PRDM2: variants seen among roughly 807,000 people sequenced by gnomAD.
The protein encoded by PRDM2 is PR domain zinc finger protein 2.
Under a neutral mutation model 130.0 loss-of-function variants are expected in PRDM2, and 30 were observed. The observed-to-expected ratio is 0.23, with a 90% confidence interval of 0.17 to 0.31. The LOEUF (loss-of-function observed/expected upper bound fraction) is 0.31, where lower values mean the gene tolerates loss of function less well. PRDM2 is among the 10% of genes least tolerant of loss of function. The pLI, the probability that PRDM2 is intolerant of heterozygous loss-of-function variation, is 1.00. For missense variants in PRDM2, 2,011 were observed against 2,108.4 expected, an observed-to-expected ratio of 0.95 and a Z score of 0.90; for synonymous variants, 871 against 782.4, an observed-to-expected ratio of 1.11 and a Z score of -1.89.
chr1:13,762,200 C>G (rs1644115257), intron 6 of PRDM2, among the ~76,000 whole-genome samples: 1 of 152,230 alleles, frequency 6.6e-6, no homozygotes, highest in African/African-American at 2.4e-5. Context: ...TCAGTATTAC[C>G]AGTATATATC....
intron 8 of PRDM2, among the ~76,000 whole-genome samples, chr1:13,797,179 G>A (rs957438713): frequency 2.0e-5 from 3 of 152,208 alleles, no homozygotes; most frequent in Non-Finnish European, 4.4e-5. Context: ...TTGATGACCT[G>A]CCCATGAAAT....
At chr1:13,786,254 T>C (rs1203647) in intron 8 of PRDM2, among the ~76,000 whole-genome samples, 27,470 of 149,390 alleles carry the variant, frequency 0.18, 3,116 homozygotes, top group Admixed American at 0.26. Flanking sequence ...AGTTTTTCCA[T>C]TTACCAGGAA....
At chr1:13,719,891 T>G (rs1642668840) in intron 2 of PRDM2, among the ~76,000 whole-genome samples, 1 of 152,214 alleles carries the variant, frequency 6.6e-6, no homozygotes, top group Admixed American at 6.5e-5. Context: ...TATGGTATGA[T>G]TCTAAGCTGT....
chr1:13,754,058 G>C (rs1331688399), intron 6 of PRDM2, among the ~76,000 whole-genome samples: 2 of 152,136 alleles, frequency 1.3e-5, no homozygotes, highest in Non-Finnish European at 2.9e-5. Flanking sequence ...TGGCCTGACT[G>C]TAGGTGGGAG....
intron 7 of PRDM2, among the ~76,000 whole-genome samples, chr1:13,777,940 A>G (rs1302781230): frequency 6.6e-6 from 1 of 152,122 alleles, no homozygotes; most frequent in Non-Finnish European, 1.5e-5. Flanking sequence ...AGAGAGGATC[A>G]TTTACTCCAG....
At chr1:13,785,221 C>T (rs1006174071) in intron 8 of PRDM2, among the ~76,000 whole-genome samples, 3 of 152,114 alleles carry the variant, frequency 2.0e-5, no homozygotes, top group East Asian at 1.9e-4. Flanking sequence ...TTGTAAATTT[C>T]GTGTAGGGAT....
Position 13,731,124 on chromosome 1 carries a change from G to T in PRDM2, c.127+7G>T. 1 of 1,607,812 alleles carries T rather than the reference G, an allele frequency of 6.2e-7. No individual in the cohort carries two copies. Among genetic ancestry groups the T allele is most frequent in the Non-Finnish European group, 8.5e-7 (1 of 1,175,672 alleles). On this transcript the variant is annotated splice_region_variant and intron_variant, in intron 3 of 9. Transcript: ENST00000311066. ...GTTGACAAGACCCGGATTGGTGAGT[G>T]CTCCTCCTGTCACGGAGCAAGTCAG...
chr1:13,712,930 A>C (rs1290408898), intron 1 of PRDM2, among the ~76,000 whole-genome samples: 3 of 151,406 alleles, frequency 2.0e-5, no homozygotes. Context: ...CCCCTCACCG[A>C]CTCTGCACCA....
chr1:13,708,547 T>TC (rs1642276235), intron 1 of PRDM2, among the ~76,000 whole-genome samples: 1 of 152,188 alleles, frequency 6.6e-6, no homozygotes, highest in African/African-American at 2.4e-5. Flanking sequence ...ACACTCCACT[T>TC]CGCTATTTAG....
chr1:13,786,255 T>G (rs866360180), intron 8 of PRDM2, among the ~76,000 whole-genome samples: 3 of 141,086 alleles, frequency 2.1e-5, no homozygotes, highest in Non-Finnish European at 3.1e-5. Context: ...GTTTTTCCAT[T>G]TACCAGGAAT....
chr1:13,768,076 T>G (rs1031655783), intron 6 of PRDM2, among the ~76,000 whole-genome samples: 1 of 144,058 alleles, frequency 6.9e-6, no homozygotes, highest in African/African-American at 2.6e-5. Context: ...GTCCTTGAGT[T>G]TTTTTTTTTT....
At chr1:13,738,332 G>A (rs1246018081) in intron 4 of PRDM2, among the ~76,000 whole-genome samples, 2 of 152,048 alleles carry the variant, frequency 1.3e-5, no homozygotes, top group Admixed American at 6.6e-5. Context: ...TTACTTATAC[G>A]GTTATATGGG....
chr1:13,754,415 A>G (rs549102215), intron 6 of PRDM2, among the ~76,000 whole-genome samples: 20 of 152,306 alleles, frequency 1.3e-4, no homozygotes, highest in Admixed American at 4.6e-4. Flanking sequence ...GGAAAAGGAC[A>G]CTTTCCAAAA....
intron 1 of PRDM2, among the ~76,000 whole-genome samples, chr1:13,711,683 T>A (rs1026659073): frequency 2.0e-5 from 3 of 152,178 alleles, no homozygotes; most frequent in African/African-American, 7.2e-5. Context: ...AAAATAACAT[T>A]TGAGAATTCA....
At chr1:13,793,088 AGT>A (rs1644866943) in intron 8 of PRDM2, among the ~76,000 whole-genome samples, 2 of 152,106 alleles carry the variant, frequency 1.3e-5, no homozygotes, top group Admixed American at 6.5e-5. Flanking sequence ...TACTGCAGAG[AGT>A]GTGTGTAGGA....
At chr1:13,749,618 T>C (rs750928702) in intron 6 of PRDM2, 131 bp downstream of exon 6, 25 of 450,904 alleles carry the variant, frequency 5.5e-5, no homozygotes, top group Non-Finnish European at 7.3e-5. Flanking sequence ...CCGCGGCATC[T>C]CGGTGACCTT....
chr1:13,734,191 G>T (rs1342010663), intron 4 of PRDM2, among the ~76,000 whole-genome samples: 1 of 152,306 alleles, frequency 6.6e-6, no homozygotes, highest in East Asian at 1.9e-4. Flanking sequence ...AGGTGTAAGA[G>T]TTCTGTATTT....
At chr1:13,785,349 GCAGC>G (rs1644712305) in intron 8 of PRDM2, among the ~76,000 whole-genome samples, 1 of 152,196 alleles carries the variant, frequency 6.6e-6, no homozygotes, top group Non-Finnish European at 1.5e-5. Context: ...TACAGAACAG[GCAGC>G]ACATCCTTGT....
chr1:13,744,176 A>T (rs1267124301), intron 5 of PRDM2, among the ~76,000 whole-genome samples: 1 of 152,232 alleles, frequency 6.6e-6, no homozygotes, highest in Non-Finnish European at 1.5e-5. Flanking sequence ...ATGCAAATTC[A>T]CAGAAACACT....
Sources: allele counts gnomAD v4.1 joint callset (sites outside exome capture counted in the v4.1 genomes callset), GRCh38; gene constraint gnomAD v4.1.1; transcripts MANE v1.5; gene names NCBI Gene and HGNC (gene_info 2026-07-23, HGNC 2026-07-21).